Variants in AAK1 observed in about 807,000 individuals in gnomAD.
AAK1 encodes AP2-associated protein kinase 1.
Under a neutral mutation model 116.0 loss-of-function variants are expected in AAK1, and 37 were observed. The ratio of observed to expected loss-of-function variants is 0.32; its 90% confidence interval spans 0.25 to 0.42. AAK1 has a LOEUF of 0.42. Ranked by LOEUF, AAK1 falls within the 10% of genes least tolerant of loss-of-function variation. The probability of loss-of-function intolerance (pLI) is 1.00; values close to 1 mark genes in which losing one functional copy is unlikely to be tolerated. For missense variants in AAK1, 919 were observed against 1,170.6 expected (o/e 0.79, Z 3.14); for synonymous variants, 458 against 439.9 (o/e 1.04, Z -0.51).
At chr2:69,555,256 C>G (rs1671344791) in intron 3 of AAK1, among the ~76,000 whole-genome samples, 1 of 152,216 alleles carries the variant, frequency 6.6e-6, no homozygotes, top group Non-Finnish European at 1.5e-5. Context: ...GCATTGGTGC[C>G]TTACAGACAG....
intron 5 of AAK1, among the ~76,000 whole-genome samples, chr2:69,536,303 A>T (rs1670471389): frequency 6.6e-6 from 1 of 152,248 alleles, no homozygotes; most frequent in Non-Finnish European, 1.5e-5. Context: ...TCAGGTCAGC[A>T]GCACATGAAG....
intron 19 of AAK1, 36 bp downstream of exon 19, chr2:69,480,824 G>A (rs1028230381): frequency 5.9e-6 from 9 of 1,533,440 alleles, no homozygotes; most frequent in South Asian, 1.2e-5. Context: ...TCACCACACC[G>A]ACCAGTCCCT....
chr2:69,520,689 A>G (rs1387881057), intron 11 of AAK1, 145 bp downstream of exon 11: 1 of 968,524 alleles, frequency 1.0e-6, no homozygotes, highest in Non-Finnish European at 1.5e-6. Flanking sequence ...TTTCAAGGGC[A>G]GCTTCCTCCT....
chr2:69,493,323 G>C (rs966706076), intron 17 of AAK1, among the ~76,000 whole-genome samples: 1 of 151,876 alleles, frequency 6.6e-6, no homozygotes, highest in Non-Finnish European at 1.5e-5. Context: ...GGGGCTAAAC[G>C]ACCTGCTGAG....
chr2:69,503,216 A>C (rs1676045486), intron 16 of AAK1, among the ~76,000 whole-genome samples: 1 of 152,252 alleles, frequency 6.6e-6, no homozygotes, highest in Non-Finnish European at 1.5e-5. Context: ...AAATATTATT[A>C]AATGACAACA....
intron 16 of AAK1, among the ~76,000 whole-genome samples, chr2:69,496,672 T>A (rs2104936406): frequency 6.6e-6 from 1 of 152,314 alleles, no homozygotes; most frequent in African/African-American, 2.4e-5. Context: ...CTACAGTATC[T>A]CTTTCAGAAT....
chr2:69,474,938 G>C lies in AAK1; in HGVS notation c.*931C>G. 1 of 985,274 alleles carries C rather than the reference G, an allele frequency of 1.0e-6. No homozygotes were observed. The allele number at this position is 985,274 out of a possible 1,614,324, so 61.0% of individuals were successfully genotyped here. ...TAAAAATCACAAGAAAAATACATCT[G>C]TTTCTGCTACAATTCCTTCCCCTCC... On this transcript the variant is annotated 3_prime_UTR_variant, in exon 22 of 22. Coordinates refer to ENST00000409085, the MANE Select transcript of AAK1 (RefSeq NM_014911.5).
Position 69,460,847 on chromosome 2 carries a change from TGTTA to T in AAK1, c.*15018_*15021del, listed in dbSNP as rs1480927611. ...ATGACATCTTTCATTCAGTACTGCCTGTTAGTCAATTACTGTGGATTCTTTCAGG... is the reference window on the plus strand; with the variant it reads ...ATGACATCTTTCATTCAGTACTGCCTGTCAATTACTGTGGATTCTTTCAGG... On this transcript the variant is annotated 3_prime_UTR_variant, in exon 22 of 22. Transcript: ENST00000409085. 1 of 152,242 alleles carries T rather than the reference TGTTA, an allele frequency of 6.6e-6. No homozygotes were observed. The highest frequency in any genetic ancestry group is 6.5e-5 in the Admixed American group (1 of 15,288). The allele number at this position is 152,242 out of a possible 1,614,324, so 9.4% of individuals were successfully genotyped here. A position where few individuals can be genotyped will look rare whatever the true frequency, so the allele number is the denominator to read the frequency against.
intron 8 of AAK1, among the ~76,000 whole-genome samples, chr2:69,528,651 A>C (rs1372669078): frequency 1.3e-5 from 2 of 152,112 alleles, no homozygotes; most frequent in Non-Finnish European, 2.9e-5. Flanking sequence ...CTGGGTATTG[A>C]GGGTAAAAAG....
At chr2:69,492,778 C>T (rs936179087) in intron 17 of AAK1, among the ~76,000 whole-genome samples, 1 of 152,008 alleles carries the variant, frequency 6.6e-6, no homozygotes, top group African/African-American at 2.4e-5. Context: ...CCCGCCTCGA[C>T]CTCCCAAAGT....
At chr2:69,621,688 T>C (rs974422593) in intron 2 of AAK1, among the ~76,000 whole-genome samples, 12 of 152,182 alleles carry the variant, frequency 7.9e-5, no homozygotes, top group African/African-American at 2.9e-4. Flanking sequence ...CACTGCAAAC[T>C]GATCATGGCC....
At chr2:69,579,399 A>C (rs1672450789) in intron 2 of AAK1, among the ~76,000 whole-genome samples, 1 of 152,044 alleles carries the variant, frequency 6.6e-6, no homozygotes, top group African/African-American at 2.4e-5. Flanking sequence ...GGCAACATGG[A>C]GAGACCCCAT....
At position 69,469,911 on chromosome 2, in the gene AAK1, C is replaced by CA. The variant is rs1220570079; in HGVS notation, c.*5957dup. On this transcript the variant is annotated 3_prime_UTR_variant, in exon 22 of 22. Transcript: ENST00000409085. ...AATTATGTAGATTTCAGCAAGAACT[C>CA]ACATGCTTCAGGGAAGAGAAGGAGT... 5 of 985,298 alleles carry CA rather than the reference C, an allele frequency of 5.1e-6. No individual in the cohort carries two copies. The highest frequency in any genetic ancestry group is 1.2e-4 in the Admixed American group (2 of 16,268). 61.0% of individuals were successfully genotyped at this position (985,298 alleles called of 1,614,324 possible).
chr2:69,526,677 G>A (rs1470358054), intron 9 of AAK1, among the ~76,000 whole-genome samples: 1 of 152,218 alleles, frequency 6.6e-6, no homozygotes, highest in Non-Finnish European at 1.5e-5. Flanking sequence ...TGAGTGCAGA[G>A]TTTAGGATTA....
intron 2 of AAK1, among the ~76,000 whole-genome samples, chr2:69,637,643 C>T (rs1353588971): frequency 1.3e-5 from 2 of 152,078 alleles, no homozygotes; most frequent in Non-Finnish European, 2.9e-5. Flanking sequence ...TCACAGTTAC[C>T]TCATAAGTAG....
chr2:69,559,264 A>T (rs58943764), intron 2 of AAK1, among the ~76,000 whole-genome samples: 17,077 of 98,102 alleles, frequency 0.17, 1,974 homozygotes, highest in African/African-American at 0.43. Context: ...TCTCTCTCTC[A>T]CACACACACA....
At chr2:69,486,885 C>A (rs565504453) in intron 17 of AAK1, among the ~76,000 whole-genome samples, 14 of 152,210 alleles carry the variant, frequency 9.2e-5, no homozygotes, top group African/African-American at 1.9e-4. Flanking sequence ...TATGAGTCTT[C>A]ACATAGACAT....
intron 12 of AAK1, among the ~76,000 whole-genome samples, chr2:69,518,056 A>T (rs912465757): frequency 1.3e-5 from 2 of 152,176 alleles, no homozygotes; most frequent in African/African-American, 4.8e-5. Context: ...CAGGAACTGG[A>T]GGCTGCAGTG....
At position 69,465,670 on chromosome 2, in the gene AAK1, G is replaced by A; in HGVS notation, c.*10199C>T. 1 of 1,290,912 alleles carries A rather than the reference G, an allele frequency of 7.7e-7. No homozygotes were observed. The highest frequency in any genetic ancestry group is 1.0e-6 in the Non-Finnish European group (1 of 988,860). The allele number at this position is 1,290,912 out of a possible 1,614,324, so 80.0% of individuals were successfully genotyped here. A position where few individuals can be genotyped will look rare whatever the true frequency, so the allele number is the denominator to read the frequency against. ...GGGCGGAATGGTTTGCCAGCCATGG[G>A]GCCTGAGACAGCTTCTTTCTGGAGC... is the stretch of plus-strand genomic sequence containing the variant. On this transcript the variant is annotated 3_prime_UTR_variant, in exon 22 of 22. Transcript: ENST00000409085.
Sources: allele counts gnomAD v4.1 joint callset (sites outside exome capture counted in the v4.1 genomes callset), GRCh38; gene constraint gnomAD v4.1.1; transcripts MANE v1.5; gene names NCBI Gene and HGNC (gene_info 2026-07-23, HGNC 2026-07-21).